PTPN13: variants seen among roughly 807,000 people sequenced by gnomAD.
PTPN13 encodes protein tyrosine phosphatase non-receptor type 13, also known as tyrosine-protein phosphatase non-receptor type 13.
In PTPN13, 191 loss-of-function variants were observed where a neutral mutation model predicts 284.0. The observed-to-expected ratio is 0.67, with a 90% CI of 0.60 to 0.76. The LOEUF (loss-of-function observed/expected upper bound fraction) is 0.76. Ranked by LOEUF, PTPN13 falls within the 30% of genes least tolerant of loss-of-function variation. The pLI, the probability that PTPN13 is intolerant of heterozygous loss-of-function variation, is 0.00. For missense variants in PTPN13, 2,797 were observed against 2,939.9 expected (o/e 0.95, Z 1.12); for synonymous variants, 986 against 1,022.3 (o/e 0.96, Z 0.68).
Position 86,805,358 on chromosome 4 carries a change from A to G in PTPN13, c.6734A>G (p.Asn2245Ser), listed in dbSNP as rs1343651027. 6.3e-7 allele frequency: 1 copy of G among 1,581,696 alleles called. No individual in the cohort carries two copies. Among genetic ancestry groups the G allele is most frequent in the African/African-American group, 1.3e-5 (1 of 74,102 alleles). Residue 2245 changes from asparagine (N) to serine (S), a missense_variant, in exon 44 of 48, where the codon AAT becomes AGT. Asn to Ser is a conservative substitution (Grantham distance 46, BLOSUM62 1). Transcript: ENST00000411767. Reference sequence around the variant, plus strand: ...AACAGAAGGAAGAACAGATATAAAAATATACTTCCCTGTAAGTTCCAGTTT... The same window carrying G: ...AACAGAAGGAAGAACAGATATAAAAGTATACTTCCCTGTAAGTTCCAGTTT... ...KENRRKNRYK[N>S]ILPYDATRVP...
At chr4:86,738,375 A>G (rs969007490) in intron 15 of PTPN13, among the ~76,000 whole-genome samples, 17 of 152,222 alleles carry the variant, frequency 1.1e-4, no homozygotes, top group Non-Finnish European at 2.5e-4. Flanking sequence ...AACACTTGGT[A>G]GTTTCAGTCT....
intron 7 of PTPN13, among the ~76,000 whole-genome samples, chr4:86,711,077 C>G (rs1732355302): frequency 7.3e-6 from 1 of 136,830 alleles, no homozygotes; most frequent in South Asian, 2.3e-4. Flanking sequence ...GCATGTGCCA[C>G]CACACCTGGT....
intron 20 of PTPN13, among the ~76,000 whole-genome samples, chr4:86,754,582 A>G (rs1458623857): frequency 6.6e-6 from 1 of 151,918 alleles, no homozygotes; most frequent in African/African-American, 2.4e-5. Context: ...CGTGATTTGA[A>G]CAAAGGCAAT....
At chr4:86,597,720 G>A (rs575006967) in intron 1 of PTPN13, among the ~76,000 whole-genome samples, 2 of 152,326 alleles carry the variant, frequency 1.3e-5, no homozygotes, top group African/African-American at 4.8e-5. Flanking sequence ...ATGTGTGACT[G>A]TCACTAATAG....
chr4:86,652,353 A>T (rs1725186215), intron 2 of PTPN13, among the ~76,000 whole-genome samples: 1 of 152,160 alleles, frequency 6.6e-6, no homozygotes. Context: ...TATTATCACT[A>T]GTGAATTTTA....
At chr4:86,711,453 A>G (rs1385889781) in intron 7 of PTPN13, among the ~76,000 whole-genome samples, 1 of 152,106 alleles carries the variant, frequency 6.6e-6, no homozygotes, top group Non-Finnish European at 1.5e-5. Context: ...CACACCCTAT[A>G]TGGTACTTCT....
intron 1 of PTPN13, among the ~76,000 whole-genome samples, chr4:86,626,008 G>A (rs1032507635): frequency 2.6e-5 from 4 of 152,152 alleles, no homozygotes; most frequent in African/African-American, 7.2e-5. Flanking sequence ...GCGAGGAAAG[G>A]TGTTGTAGAA....
At chr4:86,630,427 T>C (rs928218159) in intron 1 of PTPN13, among the ~76,000 whole-genome samples, 1 of 152,218 alleles carries the variant, frequency 6.6e-6, no homozygotes. Context: ...GGAATCACCA[T>C]GCGAATCTGT....
chr4:86,720,414 G>A lies in PTPN13; in HGVS notation c.1386-1798G>A, dbSNP rs537587614. Among the ~76,000 whole-genome samples, 58 of 152,022 alleles carry A rather than the reference G, an allele frequency of 3.8e-4. 3 individuals carry two copies. In the South Asian group the frequency reaches 0.012, roughly 31 times the overall value. ...CTGTCTTTTTTTTCATACTTCATGG[G>A]GAGAAAAAGCCCATGTGGTATTCAT... On this transcript the variant is annotated intron_variant, in intron 9 of 47. Transcript: ENST00000411767.
Position 86,672,508 on chromosome 4 carries a change from A to G in PTPN13, c.259A>G (p.Asn87Asp), listed in dbSNP as rs755459319. 1.2e-6 allele frequency: 2 copies of G among 1,607,058 alleles called. No individual in the cohort carries two copies. The highest frequency in any genetic ancestry group is 1.7e-6 in the Non-Finnish European group (2 of 1,176,740). The change falls in exon 3 of 48, where the codon AAT (asparagine) becomes GAT (aspartate). Residue 87 changes from asparagine to aspartate, a missense_variant. By Grantham distance (23) the Asn-to-Asp change is conservative. Coordinates refer to ENST00000411767, the MANE Select transcript of PTPN13 (RefSeq NM_080683.3). ...RAFTAPEVLQ[N>D]QSLTSLSDVE... ...ATTCACTGCACCAGAGGTTCTTCAA[A>G]ATCAGTCACTAACTTCTCTCTCAGA... is the stretch of plus-strand genomic sequence containing the variant.
chr4:86,628,234 A>G (rs754029444), intron 1 of PTPN13, among the ~76,000 whole-genome samples: 77 of 152,250 alleles, frequency 5.1e-4, no homozygotes, highest in Non-Finnish European at 6.3e-4. Context: ...TGCTTTGTCA[A>G]CACATTGTGG....
chr4:86,631,096 AT>A (rs1722417505), intron 1 of PTPN13, among the ~76,000 whole-genome samples: 1 of 152,164 alleles, frequency 6.6e-6, no homozygotes, highest in Admixed American at 6.6e-5. Context: ...TAATATGGCT[AT>A]GTTTATTGTA....
chr4:86,778,252 T>G (rs1467177957), intron 35 of PTPN13, among the ~76,000 whole-genome samples: 2 of 152,228 alleles, frequency 1.3e-5, no homozygotes, highest in East Asian at 3.8e-4. Flanking sequence ...TAAAGGGAAC[T>G]GTAAAGGGTT....
intron 16 of PTPN13, among the ~76,000 whole-genome samples, chr4:86,742,094 A>C (rs2149171133): frequency 6.6e-6 from 1 of 152,326 alleles, no homozygotes; most frequent in Middle Eastern, 3.4e-3. Flanking sequence ...TCTCTGAATA[A>C]GTCAGAATTT....
intron 45 of PTPN13, among the ~76,000 whole-genome samples, chr4:86,809,419 C>T (rs976359779): frequency 2.6e-5 from 4 of 152,090 alleles, no homozygotes; most frequent in African/African-American, 7.2e-5. Context: ...TAATTGTGGC[C>T]GGGCACAGTG....
At chr4:86,806,181 G>T (rs1424596808) in intron 44 of PTPN13, among the ~76,000 whole-genome samples, 2 of 150,254 alleles carry the variant, frequency 1.3e-5, no homozygotes, top group Non-Finnish European at 1.5e-5. Flanking sequence ...AAAAAAAAAA[G>T]AAAAGCAGTA....
chr4:86,613,663 G>A (rs1200414887), intron 1 of PTPN13, among the ~76,000 whole-genome samples: 1 of 145,776 alleles, frequency 6.9e-6, no homozygotes, highest in African/African-American at 2.6e-5. Flanking sequence ...AGTTTGGGGA[G>A]TAGTGAGAAC....
intron 1 of PTPN13, among the ~76,000 whole-genome samples, chr4:86,626,823 T>G (rs1269553413): frequency 1.3e-5 from 2 of 152,122 alleles, no homozygotes; most frequent in Admixed American, 1.3e-4. Flanking sequence ...AGAGGGTCAG[T>G]TCCCCCAACC....
intron 26 of PTPN13, among the ~76,000 whole-genome samples, chr4:86,765,745 T>C (rs1443527947): frequency 6.6e-6 from 1 of 152,124 alleles, no homozygotes; most frequent in African/African-American, 2.4e-5. Context: ...AGAAAATATC[T>C]AGACAGTGCT....
Sources: allele counts gnomAD v4.1 joint callset (sites outside exome capture counted in the v4.1 genomes callset), GRCh38; gene constraint gnomAD v4.1.1; transcripts MANE v1.5; gene names NCBI Gene and HGNC (gene_info 2026-07-23, HGNC 2026-07-21).